The following QTGAL variants were observed in gnomAD, a reference collection of about 807,000 sequenced individuals.
The protein encoded by QTGAL is queuosine-tRNA galactosyltransferase.
the QTGAL span, among the ~76,000 whole-genome samples, chr17:82,994,664 G>A: frequency 6.6e-6 from 1 of 152,068 alleles, no homozygotes; most frequent in Admixed American, 6.5e-5. Context: ...CCAAAAAATA[G>A]AGGAGGAAGG....
At chr17:82,975,775 G>C in the QTGAL span, among the ~76,000 whole-genome samples, 1 of 90,804 alleles carries the variant, frequency 1.1e-5, no homozygotes, top group African/African-American at 6.4e-5. Context: ...TATGGGGAAC[G>C]AGGGCCCCGG....
At chr17:83,027,334 T>C in the QTGAL span, among the ~76,000 whole-genome samples, 1 of 152,330 alleles carries the variant, frequency 6.6e-6, no homozygotes, top group East Asian at 1.9e-4. Context: ...TGAAAAAAAC[T>C]AACCTTGATA....
At chr17:83,036,379 G>A in the QTGAL span, among the ~76,000 whole-genome samples, 1 of 152,208 alleles carries the variant, frequency 6.6e-6, no homozygotes, top group Admixed American at 6.5e-5. Context: ...GACCAGAGGG[G>A]CCTGAGGGGG....
chr17:82,956,855 T>C, the QTGAL span: 16 of 1,451,352 alleles, frequency 1.1e-5, no homozygotes, highest in Non-Finnish European at 1.5e-5. The surrounding 1 kb of genome is among the most constrained non-coding windows in gnomAD (Gnocchi z 5.7). Context: ...AGCCACCAAG[T>C]TGGCTCACAC....
chr17:82,975,854 G>A, the QTGAL span, among the ~76,000 whole-genome samples: 1 of 68,502 alleles, frequency 1.5e-5, no homozygotes, highest in East Asian at 5.2e-4. Flanking sequence ...CCAGGACAGA[G>A]CCCGACTCCA....
At chr17:83,032,367 G>A in the QTGAL span, among the ~76,000 whole-genome samples, 2 of 120,458 alleles carry the variant, frequency 1.7e-5, no homozygotes, top group African/African-American at 7.0e-5. Context: ...ACCAGGCCAG[G>A]CCTCCGACCC....
chr17:83,001,436 GAAGAT>G, the QTGAL span, among the ~76,000 whole-genome samples: 4 of 152,198 alleles, frequency 2.6e-5, no homozygotes, highest in Non-Finnish European at 2.9e-5. Context: ...AAAAAAGGAA[GAAGAT>G]GAGAAAGTGG....
At chr17:82,999,261 C>T in the QTGAL span, among the ~76,000 whole-genome samples, 1 of 150,726 alleles carries the variant, frequency 6.6e-6, no homozygotes, top group African/African-American at 2.4e-5. Flanking sequence ...AAGGCTTGTA[C>T]ATATGTTCAC....
At chr17:83,028,943 G>C in the QTGAL span, among the ~76,000 whole-genome samples, 9 of 152,302 alleles carry the variant, frequency 5.9e-5, no homozygotes, top group African/African-American at 2.2e-4. Context: ...AAGCTGTAAC[G>C]CATGACCATC....
chr17:82,958,866 T>TGTGTACACTGGGGGTGTATG, the QTGAL span, among the ~76,000 whole-genome samples: 49 of 37,664 alleles, frequency 1.3e-3, 3 homozygotes, highest in African/African-American at 2.8e-3. Context: ...GTATGGTGTG[T>TGTGTACACTGGGGGTGTATG]GTGTGTGTGT....
At chr17:82,964,690 A>G in the QTGAL span, among the ~76,000 whole-genome samples, 81 of 80,116 alleles carry the variant, frequency 1.0e-3, no homozygotes, top group Admixed American at 2.2e-3. Context: ...ACGGGGACAC[A>G]GACGCCTGCA....
chr17:82,965,652 TGACCTCCC>T, the QTGAL span: 2 of 1,606,448 alleles, frequency 1.2e-6, no homozygotes, highest in Non-Finnish European at 1.7e-6. Context: ...GGCCCTTACC[TGACCTCCC>T]TCGTTAAAGG....
the QTGAL span, among the ~76,000 whole-genome samples, chr17:83,048,147 C>A: frequency 6.6e-6 from 1 of 152,180 alleles, no homozygotes; most frequent in African/African-American, 2.4e-5. Flanking sequence ...ATGCTTCAGC[C>A]TCCCAAGTAG....
chr17:82,980,538 C>T, the QTGAL span, among the ~76,000 whole-genome samples: 23 of 152,350 alleles, frequency 1.5e-4, no homozygotes, highest in East Asian at 4.2e-3. Context: ...GGGGTTCCCA[C>T]AACCTCTTCC....
the QTGAL span, among the ~76,000 whole-genome samples, chr17:83,048,184 G>T: frequency 1.3e-5 from 2 of 152,016 alleles, no homozygotes; most frequent in African/African-American, 2.4e-5. Flanking sequence ...GTGCCACTAC[G>T]CCCGGCTAAT....
At chr17:83,048,178 C>T in the QTGAL span, among the ~76,000 whole-genome samples, 1 of 152,166 alleles carries the variant, frequency 6.6e-6, no homozygotes, top group Non-Finnish European at 1.5e-5. Context: ...AGGCGTGTGC[C>T]ACTACGCCCG....
chr17:82,969,143 A>C, the QTGAL span, among the ~76,000 whole-genome samples: 1 of 151,564 alleles, frequency 6.6e-6, no homozygotes, highest in Non-Finnish European at 1.5e-5. Flanking sequence ...GGAAAAAAAA[A>C]AAAAAAGAAA....
the QTGAL span, among the ~76,000 whole-genome samples, chr17:82,999,022 T>C: frequency 6.6e-6 from 1 of 151,624 alleles, no homozygotes; most frequent in Non-Finnish European, 1.5e-5. Flanking sequence ...TGAATTCTCA[T>C]ACATGGCTTG....
chr17:82,972,609 A>AC, the QTGAL span, among the ~76,000 whole-genome samples: 7 of 118,502 alleles, frequency 5.9e-5, no homozygotes, highest in African/African-American at 2.8e-4. Context: ...CCTGGTGCCG[A>AC]CACACCACAC....
Sources: gnomAD v4.1 joint callset for allele counts (sites outside exome capture counted in the v4.1 genomes callset) on GRCh38, gnomAD v4.1.1 for gene constraint, Gnocchi (gnomAD v3.1) non-coding constraint, MANE v1.5 for transcripts, NCBI Gene and HGNC (gene_info 2026-07-23, HGNC 2026-07-21) for gene names.